The following EXOC5 variants were observed in gnomAD, a reference collection of about 807,000 sequenced individuals.
EXOC5 encodes the protein SEC10-like 1.
EXOC5 carries 17 observed loss-of-function variants against 90.8 expected under a neutral mutation model. That is an observed-to-expected ratio of 0.19 (90% CI 0.13 to 0.28). EXOC5 has a LOEUF of 0.28. Among genes scored for constraint, EXOC5 ranks in the 10% least tolerant of loss-of-function variants. The pLI is 1.00. For missense variants in EXOC5, 569 were observed against 830.6 expected (o/e 0.69, Z 3.87); for synonymous variants, 260 against 270.0 (o/e 0.96, Z 0.36).
At chr14:57,224,192 T>C (rs1883234380) in intron 12 of EXOC5, among the ~76,000 whole-genome samples, 1 of 151,644 alleles carries the variant, frequency 6.6e-6, no homozygotes, top group Non-Finnish European at 1.5e-5. Context: ...GGGGTGGGGA[T>C]AAAACCCAAG....
chr14:57,255,194 G>T (rs1371725094), intron 1 of EXOC5, among the ~76,000 whole-genome samples: 1 of 152,102 alleles, frequency 6.6e-6, no homozygotes, highest in Non-Finnish European at 1.5e-5. Context: ...CAGCTACTGT[G>T]AAACCAAATA....
chr14:57,213,420 T>C (rs1401872599), intron 15 of EXOC5, among the ~76,000 whole-genome samples: 1 of 151,738 alleles, frequency 6.6e-6, no homozygotes, highest in Non-Finnish European at 1.5e-5. Context: ...TTTATTTATT[T>C]TTTTGAGACA....
chr14:57,218,684 T>C (rs922953114), intron 14 of EXOC5, among the ~76,000 whole-genome samples: 1 of 152,076 alleles, frequency 6.6e-6, no homozygotes, highest in African/African-American at 2.4e-5. Context: ...TACAAGTGAC[T>C]GTTATCTTTG....
intron 1 of EXOC5, among the ~76,000 whole-genome samples, chr14:57,250,002 C>T (rs1884142698): frequency 6.6e-6 from 1 of 152,070 alleles, no homozygotes; most frequent in South Asian, 2.1e-4. Context: ...AAACTCCCAA[C>T]CTCAGATGAT....
intron 12 of EXOC5, 103 bp downstream of exon 12, chr14:57,229,631 T>C: frequency 1.5e-6 from 1 of 686,762 alleles, no homozygotes; most frequent in Non-Finnish European, 2.2e-6. Context: ...TATAGCAGAC[T>C]TGAGCATCCA....
At chr14:57,262,053 C>T (rs1884518827) in intron 1 of EXOC5, among the ~76,000 whole-genome samples, 2 of 152,158 alleles carry the variant, frequency 1.3e-5, no homozygotes, top group South Asian at 2.1e-4. Flanking sequence ...CTACTATAAT[C>T]TCCTACTTCT....
chr14:57,268,206 T>TA (rs1884749912), intron 1 of EXOC5: 1 of 246,998 alleles, frequency 4.0e-6, no homozygotes, highest in Non-Finnish European at 7.9e-6. Context: ...GGCTTCCTCC[T>TA]ATTATTCCCG....
At chr14:57,216,611 T>C (rs560830515) in intron 15 of EXOC5, among the ~76,000 whole-genome samples, 53 of 152,240 alleles carry the variant, frequency 3.5e-4, no homozygotes, top group South Asian at 3.3e-3. Flanking sequence ...ATGACACCCT[T>C]ATCTTATACT....
At chr14:57,231,441 GC>G (rs1239183423) in intron 11 of EXOC5, 64 bp downstream of exon 11, 1 of 1,035,542 alleles carries the variant, frequency 9.7e-7, no homozygotes, top group East Asian at 2.5e-5. Flanking sequence ...TTGATAATTT[GC>G]CCAAATATAA....
intron 15 of EXOC5, 53 bp downstream of exon 15, chr14:57,217,929 A>G: frequency 1.2e-6 from 1 of 852,422 alleles, no homozygotes; most frequent in South Asian, 1.4e-5. Flanking sequence ...TGCTGCTATA[A>G]TATGGTGTTT....
At chr14:57,261,241 CA>C (rs1884495359) in intron 1 of EXOC5, among the ~76,000 whole-genome samples, 1 of 152,124 alleles carries the variant, frequency 6.6e-6, no homozygotes, top group East Asian at 1.9e-4. Flanking sequence ...TTTAAGAGAA[CA>C]AGGCAATCAA....
chr14:57,231,905 C>T (rs1363489367), intron 10 of EXOC5, 190 bp from the exon 11 acceptor site: 6 of 480,480 alleles, frequency 1.2e-5, no homozygotes, highest in East Asian at 3.4e-5. Flanking sequence ...TGAAATATTA[C>T]GAACAACTTT....
chr14:57,237,394 T>C (rs1240691311), intron 5 of EXOC5, 28 bp from the exon 6 acceptor site: 1 of 1,502,418 alleles, frequency 6.7e-7, no homozygotes, highest in Middle Eastern at 1.7e-4. Context: ...ACCATGAGGT[T>C]TGTTAGTTGT....
intron 1 of EXOC5, among the ~76,000 whole-genome samples, chr14:57,266,018 T>C (rs1030280358): frequency 2.6e-5 from 4 of 152,206 alleles, no homozygotes; most frequent in African/African-American, 9.6e-5. Context: ...TTGTTTTCAT[T>C]GAGAGTCATG....
chr14:57,254,457 A>G (rs1057058341), intron 1 of EXOC5, among the ~76,000 whole-genome samples: 6 of 152,074 alleles, frequency 3.9e-5, no homozygotes, highest in Admixed American at 3.3e-4. Context: ...AAAATGCCCA[A>G]CATTACTAAT....
At position 57,238,367 on chromosome 14, in the gene EXOC5, T is replaced by TACAC. The variant is rs1205180138; in HGVS notation, c.531-1002_531-1001insGTGT. Among the ~76,000 whole-genome samples the TACAC allele has an allele frequency of 1.7e-3, 169 of 96,786 alleles. 1 individual carries two copies. The highest frequency in any genetic ancestry group is 6.2e-3 in the African/African-American group (161 of 26,174). 63.5% of individuals were successfully genotyped at this position (96,786 alleles called of 152,430 possible). On this transcript the variant is annotated intron_variant, in intron 5 of 17. Coordinates refer to ENST00000621441, the MANE Select transcript of EXOC5 (RefSeq NM_006544.4). ...AATTAGACATATATATATATATATA[T>TACAC]ATATATATACACACACACACACACA...
chr14:57,256,215 ATACACAATGGGGGCAGAGAGCAG>A (rs2139664532), intron 1 of EXOC5, among the ~76,000 whole-genome samples: 1 of 152,274 alleles, frequency 6.6e-6, no homozygotes, highest in South Asian at 2.1e-4. Context: ...AGGGCTGCTA[ATACACAATGGGGGCAGAGAGCAG>A]TATGTTTGGC....
chr14:57,212,867 A>G (rs1882869405), intron 15 of EXOC5, among the ~76,000 whole-genome samples: 1 of 152,174 alleles, frequency 6.6e-6, no homozygotes, highest in Non-Finnish European at 1.5e-5. Context: ...CAATGTATTC[A>G]TTGCAATGCT....
chr14:57,254,884 TC>T (rs1490851715), intron 1 of EXOC5, among the ~76,000 whole-genome samples: 4 of 152,172 alleles, frequency 2.6e-5, no homozygotes, highest in Non-Finnish European at 4.4e-5. Flanking sequence ...ATCTTGGACT[TC>T]TCAGCCCCCA....
Sources: allele counts gnomAD v4.1 joint callset (sites outside exome capture counted in the v4.1 genomes callset), GRCh38; gene constraint gnomAD v4.1.1; transcripts MANE v1.5; gene names NCBI Gene and HGNC (gene_info 2026-07-23, HGNC 2026-07-21).